The following LUZP2 variants were observed in gnomAD, a reference collection of about 807,000 sequenced individuals.
The protein encoded by LUZP2 is leucine zipper protein 2.
A neutral mutation model predicts 51.6 loss-of-function variants in LUZP2; 52 were observed. The ratio of observed to expected loss-of-function variants is 1.01; its 90% CI spans 0.81 to 1.27. The LOEUF is 1.27. Among genes scored for constraint, LUZP2 ranks in the 50% most tolerant of loss-of-function variants. The pLI, the probability that LUZP2 is intolerant of heterozygous loss-of-function variation, is 0.00. For missense variants in LUZP2, 436 were observed against 395.4 expected, an observed-to-expected ratio of 1.10 and a Z score of -0.87; for synonymous variants, 154 against 137.3, an observed-to-expected ratio of 1.12 and a Z score of -0.85.
At position 24,830,045 on chromosome 11, in the gene LUZP2, G is replaced by T. The variant is rs561330293; in HGVS notation, c.396+66737G>T. Among the ~76,000 whole-genome samples the T allele has an allele frequency of 4.6e-5, 7 of 151,862 alleles. No individual in the cohort carries two copies. The East Asian group carries it at 1.4e-3, about 29-fold the overall frequency. Reference sequence around the variant, plus strand: ...AGTTAAAAACTTAAACACAAGAGAAGAAAATCTGATTTGTCAAGGATTATT... The same window carrying T: ...AGTTAAAAACTTAAACACAAGAGAATAAAATCTGATTTGTCAAGGATTATT... On this transcript the variant is annotated intron_variant, in intron 5 of 11. Coordinates refer to ENST00000336930, the MANE Select transcript of LUZP2 (RefSeq NM_001009909.4).
chr11:24,956,087 T>C (rs2133870323), intron 7 of LUZP2, among the ~76,000 whole-genome samples: 1 of 152,082 alleles, frequency 6.6e-6, no homozygotes, highest in Non-Finnish European at 1.5e-5. Flanking sequence ...ACAAATGGAA[T>C]TTATGACTGA....
intron 9 of LUZP2, among the ~76,000 whole-genome samples, chr11:25,012,689 A>G (rs1002156114): frequency 6.6e-6 from 1 of 152,210 alleles, no homozygotes; most frequent in Non-Finnish European, 1.5e-5. Context: ...TATCCCAGTC[A>G]GAATGACTAG....
intron 1 of LUZP2, among the ~76,000 whole-genome samples, chr11:24,586,312 A>G (rs535784292): frequency 6.6e-6 from 1 of 152,076 alleles, no homozygotes; most frequent in African/African-American, 2.4e-5. Context: ...TCTTGAAGCC[A>G]TTATGCTTCT....
At chr11:24,937,347 C>T (rs888634009) in intron 7 of LUZP2, among the ~76,000 whole-genome samples, 3 of 152,056 alleles carry the variant, frequency 2.0e-5, no homozygotes, top group Admixed American at 2.0e-4. Context: ...GGAAACTAAG[C>T]TTAAGTAAAG....
At chr11:24,590,556 TATA>T (rs1853223797) in intron 1 of LUZP2, among the ~76,000 whole-genome samples, 1 of 152,178 alleles carries the variant, frequency 6.6e-6, no homozygotes, top group South Asian at 2.1e-4. Flanking sequence ...ACAGATAAAG[TATA>T]ATGACTAATA....
At chr11:25,006,557 T>G (rs1856839233) in intron 9 of LUZP2, among the ~76,000 whole-genome samples, 1 of 152,142 alleles carries the variant, frequency 6.6e-6, no homozygotes, top group Non-Finnish European at 1.5e-5. Context: ...GACACCCGTG[T>G]CTTTAGTCCA....
intron 1 of LUZP2, among the ~76,000 whole-genome samples, chr11:24,567,902 G>T (rs753625846): frequency 6.6e-6 from 1 of 151,948 alleles, no homozygotes; most frequent in Non-Finnish European, 1.5e-5. Flanking sequence ...AAACACAAAA[G>T]AACACTGGTA....
chr11:25,031,603 A>G (rs1172375272), intron 9 of LUZP2, among the ~76,000 whole-genome samples: 3 of 151,918 alleles, frequency 2.0e-5, no homozygotes, highest in East Asian at 1.9e-4. Flanking sequence ...TTTGTTTTCT[A>G]TTCCCACAAT....
intron 5 of LUZP2, among the ~76,000 whole-genome samples, chr11:24,815,814 C>T (rs541142528): frequency 6.6e-6 from 1 of 152,150 alleles, no homozygotes; most frequent in Admixed American, 6.5e-5. Context: ...AAAGAGAGTA[C>T]TGATCTCAGT....
At chr11:24,521,465 C>T (rs545291753) in intron 1 of LUZP2, among the ~76,000 whole-genome samples, 74 of 151,894 alleles carry the variant, frequency 4.9e-4, no homozygotes, top group African/African-American at 1.6e-3. Flanking sequence ...GACTCAGTCC[C>T]TAAAGCAATG....
intron 7 of LUZP2, among the ~76,000 whole-genome samples, chr11:24,974,317 C>A (rs546688636): frequency 2.0e-5 from 3 of 152,076 alleles, no homozygotes; most frequent in African/African-American, 7.2e-5. Context: ...TATTTTGAAC[C>A]TATGTGTGTC....
intron 1 of LUZP2, among the ~76,000 whole-genome samples, chr11:24,673,278 T>C (rs970888137): frequency 1.3e-5 from 2 of 152,186 alleles, no homozygotes; most frequent in African/African-American, 4.8e-5. Context: ...GTCATATATC[T>C]GGTTATATCT....
At chr11:24,836,913 C>T (rs1008746633) in intron 5 of LUZP2, among the ~76,000 whole-genome samples, 12 of 151,748 alleles carry the variant, frequency 7.9e-5, no homozygotes, top group African/African-American at 2.9e-4. Flanking sequence ...AGTTGAGATC[C>T]TCATTAGCAT....
intron 7 of LUZP2, among the ~76,000 whole-genome samples, chr11:24,922,837 CTTTTTTTTTTTTTT>C (rs749672583): frequency 1.5e-4 from 7 of 47,320 alleles, no homozygotes; most frequent in South Asian, 6.5e-4. Flanking sequence ...TTTTTTTTTT[CTTTTTTTTTTTTTT>C]TTTTTTTTTT....
At chr11:25,063,385 A>C (rs11028395) in intron 10 of LUZP2, among the ~76,000 whole-genome samples, 78,308 of 151,326 alleles carry the variant, frequency 0.52, 21,550 homozygotes, top group African/African-American at 0.59. Flanking sequence ...AAATATTTAA[A>C]GCCATTTATC....
chr11:24,844,197 A>G (rs992158679), intron 5 of LUZP2, among the ~76,000 whole-genome samples: 4 of 152,170 alleles, frequency 2.6e-5, no homozygotes, highest in African/African-American at 7.2e-5. Flanking sequence ...ACAGATAATG[A>G]TATGGACAAT....
At chr11:24,996,572 T>TTCTTATTTTATTTTATTTTA (rs1202236299) in intron 9 of LUZP2, among the ~76,000 whole-genome samples, 1 of 132,602 alleles carries the variant, frequency 7.5e-6, no homozygotes, top group Non-Finnish European at 1.6e-5. Context: ...CTTTTTTCTT[T>TTCTTATTTTATTTTATTTTA]TTTTATTTTA....
At chr11:24,670,496 C>T (rs1327427505) in intron 1 of LUZP2, among the ~76,000 whole-genome samples, 1 of 152,002 alleles carries the variant, frequency 6.6e-6, no homozygotes, top group Non-Finnish European at 1.5e-5. Flanking sequence ...TTATTTATCA[C>T]ATCAAATGGC....
rs1337964178 is a variant in LUZP2, at chr11:24,991,364, GTGTGTATATATA to G, written c.765+8077_765+8088del. On this transcript the variant is annotated intron_variant, in intron 9 of 11. Coordinates refer to ENST00000336930, the MANE Select transcript of LUZP2 (RefSeq NM_001009909.4). ...TGTGTGTGTGTGTATATATATATGTGTGTGTATATATATGTGTGTGTGTGTGTGTGTGTATAT... is the reference window on the plus strand; with the variant it reads ...TGTGTGTGTGTGTATATATATATGTGTGTGTGTGTGTGTGTGTGTGTATAT... 3.0e-5 allele frequency among the ~76,000 whole-genome samples: 4 copies of G among 131,864 alleles called. No homozygotes were observed. In the South Asian group the frequency reaches 1.1e-3, roughly 35 times the overall value. 86.5% of individuals were successfully genotyped at this position (131,864 alleles called of 152,430 possible). A position where few individuals can be genotyped will look rare whatever the true frequency, so the allele number is the denominator to read the frequency against.
Sources: gnomAD v4.1 joint callset for allele counts (sites outside exome capture counted in the v4.1 genomes callset) on GRCh38, gnomAD v4.1.1 for gene constraint, MANE v1.5 for transcripts, NCBI Gene and HGNC (gene_info 2026-07-23, HGNC 2026-07-21) for gene names.